ZNF385C: variants seen among roughly 807,000 people sequenced by gnomAD.
ZNF385C encodes the protein zinc finger protein 385C, also known as CTD-2132N18.2.
ZNF385C carries 28 observed loss-of-function variants against 35.4 expected under a neutral mutation model. That is an observed-to-expected ratio of 0.79 (90% confidence interval 0.59 to 1.08). The LOEUF (loss-of-function observed/expected upper bound fraction) is 1.08. Among genes scored for constraint, ZNF385C ranks in the 50% least tolerant of loss-of-function variants. The pLI, the probability that ZNF385C is intolerant of heterozygous loss-of-function variation, is 0.00. For missense variants in ZNF385C, 605 were observed against 595.6 expected (o/e 1.02, Z -0.16); for synonymous variants, 248 against 248.2 (o/e 1.00, Z 0.01).
rs959718849 is a variant in ZNF385C, at chr17:42,050,018, C to T, written c.251-12133G>A. Among the ~76,000 whole-genome samples, 9 of 152,178 alleles carry T rather than the reference C, an allele frequency of 5.9e-5. No individual in the cohort carries two copies. Among genetic ancestry groups the T allele is most frequent in the East Asian group, 1.9e-4 (1 of 5,196 alleles). On this transcript the variant is annotated intron_variant, in intron 2 of 8. Transcript: ENST00000692273. This position sits in a 1 kb window ranked among gnomAD's most constrained non-coding sequence, Gnocchi z 5.6. ...TCAAATTCCATTGACATTCTCCCCA[C>T]CTCAACCTCAAGGAAACAGGCTGAG...
intron 1 of ZNF385C, among the ~76,000 whole-genome samples, chr17:42,077,819 C>T (rs984366716): frequency 1.1e-4 from 17 of 152,096 alleles, no homozygotes; most frequent in Non-Finnish European, 1.5e-4. Flanking sequence ...TTCTTTCTGC[C>T]CCCACTGAAA....
chr17:42,039,222 G>C (rs1353264728), intron 2 of ZNF385C: 1 of 152,584 alleles, frequency 6.6e-6, no homozygotes, highest in Non-Finnish European at 1.5e-5. Context: ...CTGCACTCCA[G>C]CCTGGGCGAC....
At chr17:42,037,537 C>G (rs553725229) in intron 3 of ZNF385C, among the ~76,000 whole-genome samples, 200 bp downstream of exon 3, 8 of 152,196 alleles carry the variant, frequency 5.3e-5, no homozygotes, top group African/African-American at 1.9e-4. Context: ...ATCTTGTTCC[C>G]CAGCCTAAGA....
chr17:42,065,838 G>T (rs1555658411), intron 1 of ZNF385C, among the ~76,000 whole-genome samples: 1 of 152,118 alleles, frequency 6.6e-6, no homozygotes, highest in Non-Finnish European at 1.5e-5. Context: ...AAGAGCAGGA[G>T]CTCCATGCTG....
chr17:42,052,942 C>T (rs531577337), intron 2 of ZNF385C, among the ~76,000 whole-genome samples: 25 of 152,350 alleles, frequency 1.6e-4, no homozygotes, highest in African/African-American at 5.8e-4. Flanking sequence ...AATAATGACA[C>T]TGCCATTTCT....
In ZNF385C at chr17:42,038,368, C is replaced by G. The variant is rs1367590737; in HGVS notation, c.251-483G>C. On this transcript the variant is annotated intron_variant, in intron 2 of 8. Coordinates refer to ENST00000692273, the MANE Select transcript of ZNF385C (RefSeq NM_001392013.1). The stretch of plus-strand genomic sequence containing the variant: ...CCCAGGATTTCATGGCCAGGGCTGA[C>G]AGGAGGGAATGGGAAACCCATGGGC... The G allele has an allele frequency of 1.1e-5, 4 of 367,298 alleles. No individual in the cohort carries two copies. The Admixed American group carries it at 1.9e-4, about 17-fold the overall frequency. The allele number at this position is 367,298 out of a possible 1,614,324, so 22.8% of individuals were successfully genotyped here.
At position 42,037,923 on chromosome 17, in the gene ZNF385C, T is replaced by C. The variant is rs1204982723; in HGVS notation, c.251-38A>G. On this transcript the variant is annotated intron_variant, in intron 2 of 8. Transcript: ENST00000692273. ...GAAGGGCAGGGTCTGAAATGGGCTC[T>C]GTCCTACCCCCGTGGCCAGAACAAG... 7.1e-6 allele frequency: 11 copies of C among 1,545,556 alleles called. No homozygotes were observed. In the Admixed American group the frequency reaches 2.0e-4, roughly 28 times the overall value.
intron 1 of ZNF385C, among the ~76,000 whole-genome samples, chr17:42,084,055 AT>A (rs1164573032): frequency 2.6e-5 from 4 of 152,064 alleles, no homozygotes; most frequent in Non-Finnish European, 5.9e-5. Context: ...TTAAATAAAT[AT>A]TATTTGGGTG....
intron 1 of ZNF385C, among the ~76,000 whole-genome samples, chr17:42,092,457 A>ACCCT (rs1555660631): frequency 6.6e-6 from 1 of 152,148 alleles, no homozygotes; most frequent in Non-Finnish European, 1.5e-5. Flanking sequence ...GGGATGAGGC[A>ACCCT]GTTCTGTATA....
chr17:42,036,924 T>C (rs1262123092), intron 3 of ZNF385C, among the ~76,000 whole-genome samples: 1 of 152,212 alleles, frequency 6.6e-6, no homozygotes, highest in Non-Finnish European at 1.5e-5. Context: ...GCCACACCCA[T>C]GATTTCACTT....
chr17:42,062,700 A>C (rs2053480772), intron 2 of ZNF385C, 107 bp downstream of exon 2: 2 of 429,208 alleles, frequency 4.7e-6, no homozygotes, highest in Admixed American at 8.4e-5. Context: ...CCCCAGACGC[A>C]AAGACCCCCA....
Position 42,028,191 on chromosome 17 carries a change from C to T in ZNF385C, c.1023G>A (p.Arg341=). 1 of 1,586,788 alleles carries T rather than the reference C, an allele frequency of 6.3e-7. No individual in the cohort carries two copies. Among genetic ancestry groups the T allele is most frequent in the South Asian group, 1.1e-5 (1 of 88,118 alleles). The stretch of plus-strand genomic sequence containing the variant: ...CACCTCCCCTGGACACCGGGCGGCC[C>T]CGGCTCCTCCGGGGAGCCCCTCGCT... ...EGQRGAPRRS[R]GRPVSRGGAG... Residue 341 remains arginine, a synonymous_variant, in exon 7 of 9, where the codon CGG becomes CGA. Transcript: ENST00000692273.
chr17:42,060,589 ATGGGC>A (rs778605720), intron 2 of ZNF385C, among the ~76,000 whole-genome samples: 2,039 of 152,302 alleles, frequency 0.013, 21 homozygotes, highest in Non-Finnish European at 0.021. Context: ...CCAAAGAGCC[ATGGGC>A]TTGCAGGCCT....
At chr17:42,042,214 A>G (rs1042378596) in intron 2 of ZNF385C, among the ~76,000 whole-genome samples, 1 of 152,046 alleles carries the variant, frequency 6.6e-6, no homozygotes, top group African/African-American at 2.4e-5. Context: ...TCTATGTTTA[A>G]AAAAAACCAA....
chr17:42,076,050 C>CATA (rs1567995120), intron 1 of ZNF385C, among the ~76,000 whole-genome samples: 1 of 152,150 alleles, frequency 6.6e-6, no homozygotes, highest in Non-Finnish European at 1.5e-5. Context: ...AGGCCCAGAC[C>CATA]GTATGTTTGG....
At chr17:42,032,438 C>G (rs1473979505) in intron 4 of ZNF385C, among the ~76,000 whole-genome samples, 1 of 152,156 alleles carries the variant, frequency 6.6e-6, no homozygotes, top group Non-Finnish European at 1.5e-5. Flanking sequence ...ATAATACTGA[C>G]CTCATGGGGT....
chr17:42,098,285 C>T (rs2053937781), intron 1 of ZNF385C, 125 bp downstream of exon 1: 2 of 152,320 alleles, frequency 1.3e-5, no homozygotes, highest in South Asian at 4.1e-4. Context: ...ATAGGGATAT[C>T]CTCACTGTCC....
intron 6 of ZNF385C, 24 bp downstream of exon 6, chr17:42,028,759 G>A: frequency 6.5e-7 from 1 of 1,536,924 alleles, no homozygotes; most frequent in Non-Finnish European, 8.8e-7. Context: ...CTTTCCCTGG[G>A]CTCCAGCTCC....
At chr17:42,071,039 CA>C (rs1567994079) in intron 1 of ZNF385C, among the ~76,000 whole-genome samples, 1 of 152,094 alleles carries the variant, frequency 6.6e-6, no homozygotes, top group Non-Finnish European at 1.5e-5. Flanking sequence ...TGGGGTCACC[CA>C]GGGCCACACC....
Sources: allele counts gnomAD v4.1 joint callset (sites outside exome capture counted in the v4.1 genomes callset), GRCh38; gene constraint gnomAD v4.1.1; non-coding constraint Gnocchi (gnomAD v3.1); transcripts MANE v1.5; gene names NCBI Gene and HGNC (gene_info 2026-07-23, HGNC 2026-07-21).